The following ETV6 variants were observed in gnomAD, a reference collection of about 807,000 sequenced individuals.
ETV6 encodes the protein ETS variant transcription factor 6, also known as transcription factor ETV6.
ETV6 carries 16 observed loss-of-function variants against 51.1 expected under a neutral mutation model. The observed-to-expected ratio is 0.31, with a 90% CI of 0.21 to 0.48. ETV6 has a LOEUF of 0.48. Ranked by LOEUF, ETV6 falls within the 20% of genes least tolerant of loss-of-function variation. The pLI, the probability that ETV6 is intolerant of heterozygous loss-of-function variation, is 0.99. For synonymous variants in ETV6, 240 were observed against 224.1 expected, an observed-to-expected ratio of 1.07 and a Z score of -0.64; for missense variants, 458 against 594.8, an observed-to-expected ratio of 0.77 and a Z score of 2.39.
intron 2 of ETV6, among the ~76,000 whole-genome samples, chr12:11,774,979 T>C (rs1565521231): frequency 6.6e-6 from 1 of 152,186 alleles, no homozygotes; most frequent in African/African-American, 2.4e-5. Flanking sequence ...TGAATGTCTC[T>C]AATCAGGAAC....
In ETV6 at chr12:11,726,327, T is replaced by C. The variant is rs539500487; in HGVS notation, c.34-26123T>C. Reference sequence around the variant, plus strand: ...CCTCAGGAAACAGTACCAGATATCCTTGGATGTGGGGAAATGATCCACTCT... The same window carrying C: ...CCTCAGGAAACAGTACCAGATATCCCTGGATGTGGGGAAATGATCCACTCT... On this transcript the variant is annotated intron_variant, in intron 1 of 7. Coordinates refer to ENST00000396373, the MANE Select transcript of ETV6 (RefSeq NM_001987.5). 1.1e-4 allele frequency among the ~76,000 whole-genome samples: 16 copies of C among 152,326 alleles called. No homozygotes were observed. In the East Asian group the frequency reaches 3.1e-3, roughly 29 times the overall value.
At chr12:11,802,566 G>A (rs1033287069) in intron 2 of ETV6, among the ~76,000 whole-genome samples, 1 of 152,198 alleles carries the variant, frequency 6.6e-6, no homozygotes, top group East Asian at 1.9e-4. Flanking sequence ...TGTCAGACAT[G>A]GTTGACACTG....
chr12:11,709,127 T>G (rs1048822969), intron 1 of ETV6, among the ~76,000 whole-genome samples: 2 of 152,024 alleles, frequency 1.3e-5, no homozygotes, highest in South Asian at 4.1e-4. Flanking sequence ...CAAGAAGCTA[T>G]GTGAGTTACA....
chr12:11,672,229 C>T (rs1864331750), intron 1 of ETV6, among the ~76,000 whole-genome samples: 1 of 152,042 alleles, frequency 6.6e-6, no homozygotes, highest in Non-Finnish European at 1.5e-5. Context: ...AAGGAACCAA[C>T]TCCCAACCCA....
intron 1 of ETV6, among the ~76,000 whole-genome samples, chr12:11,739,603 G>A (rs554316118): frequency 7.2e-5 from 11 of 152,050 alleles, no homozygotes; most frequent in Middle Eastern, 3.4e-3. Flanking sequence ...ATTTAGTGTC[G>A]GATTTGAAAT....
intron 1 of ETV6, among the ~76,000 whole-genome samples, chr12:11,706,133 C>CT (rs1384962883): frequency 6.6e-6 from 1 of 152,232 alleles, no homozygotes; most frequent in African/African-American, 2.4e-5. Flanking sequence ...AGCCTTGCAT[C>CT]TGAGTTCTTG....
intron 1 of ETV6, among the ~76,000 whole-genome samples, chr12:11,660,392 G>T (rs145317332): frequency 0.093 from 14,154 of 151,934 alleles, 2,209 homozygotes; most frequent in African/African-American, 0.32. Context: ...ATCACCTGAG[G>T]TCAGGAGTTC....
At chr12:11,742,808 T>TC (rs1474121502) in intron 1 of ETV6, among the ~76,000 whole-genome samples, 44 of 146,078 alleles carry the variant, frequency 3.0e-4, no homozygotes, top group African/African-American at 1.0e-3. Context: ...TTTCTTTCTT[T>TC]TTTTTTTTTT....
chr12:11,688,286 C>G (rs1864675928), intron 1 of ETV6, among the ~76,000 whole-genome samples: 1 of 152,152 alleles, frequency 6.6e-6, no homozygotes, highest in South Asian at 2.1e-4. Context: ...GGGCCTTTAG[C>G]CCCCGTTAAA....
At chr12:11,675,679 T>A (rs1433468996) in intron 1 of ETV6, among the ~76,000 whole-genome samples, 1 of 152,142 alleles carries the variant, frequency 6.6e-6, no homozygotes, top group East Asian at 1.9e-4. Flanking sequence ...CTGGATGTGG[T>A]AATGTGTGCC....
intron 5 of ETV6, among the ~76,000 whole-genome samples, chr12:11,875,450 G>A (rs1946968419): frequency 6.6e-6 from 1 of 152,210 alleles, no homozygotes; most frequent in African/African-American, 2.4e-5. Context: ...GAAAGCATCT[G>A]TCAATCTTCT....
chr12:11,713,783 T>C (rs1185651522), intron 1 of ETV6, among the ~76,000 whole-genome samples: 1 of 152,254 alleles, frequency 6.6e-6, no homozygotes. Flanking sequence ...TAACCTTGGA[T>C]GTTCATTAGA....
At chr12:11,815,990 T>C (rs1945987636) in intron 2 of ETV6, among the ~76,000 whole-genome samples, 2 of 152,198 alleles carry the variant, frequency 1.3e-5, no homozygotes, top group South Asian at 4.1e-4. Context: ...ATGCTGAAAG[T>C]GACCCGTAAG....
Position 11,869,432 on chromosome 12 carries a change from G to T in ETV6, c.472G>T (p.Val158Phe). ...LHQNHEEDNC[V>F]QRTPRPSVDN... ...TTCCCTCTGCTCCACAGATAACTGT[G>T]TCCAGAGGACCCCCAGGCCATCCGT... The change falls in exon 5 of 8, where the codon GTC becomes TTC. Residue 158 changes from valine (V) to phenylalanine (F), a missense_variant. Coordinates refer to ENST00000396373, the MANE Select transcript of ETV6 (RefSeq NM_001987.5). This position sits in a 1 kb window ranked among gnomAD's most constrained non-coding sequence, Gnocchi z 5.0. The T allele has an allele frequency of 6.2e-7, 1 of 1,607,994 alleles. No individual in the cohort carries two copies. Among genetic ancestry groups the T allele is most frequent in the African/African-American group, 1.3e-5 (1 of 74,934 alleles).
At chr12:11,823,286 C>T (rs1946107787) in intron 2 of ETV6, among the ~76,000 whole-genome samples, 2 of 152,082 alleles carry the variant, frequency 1.3e-5, no homozygotes, top group South Asian at 2.1e-4. Flanking sequence ...GGGAGGTCTC[C>T]ACCACGATCT....
intron 2 of ETV6, among the ~76,000 whole-genome samples, chr12:11,781,668 G>A (rs1945415848): frequency 6.6e-6 from 1 of 152,118 alleles, no homozygotes; most frequent in Admixed American, 6.5e-5. Flanking sequence ...TTTTTACTTG[G>A]ACTATAGCCA....
At chr12:11,839,345 T>C in intron 3 of ETV6, 41 bp downstream of exon 3, 2 of 1,580,108 alleles carry the variant, frequency 1.3e-6, no homozygotes, top group Non-Finnish European at 1.7e-6. Flanking sequence ...ACTTGGAAAG[T>C]CTCTTAGTTA....
At chr12:11,706,792 G>A (rs1001044157) in intron 1 of ETV6, among the ~76,000 whole-genome samples, 6 of 152,206 alleles carry the variant, frequency 3.9e-5, no homozygotes, top group African/African-American at 1.4e-4. Context: ...CAGATGGGGC[G>A]TACAATTTAC....
intron 2 of ETV6, among the ~76,000 whole-genome samples, chr12:11,825,946 A>G (rs2136443753): frequency 6.7e-6 from 1 of 148,554 alleles, no homozygotes; most frequent in Middle Eastern, 3.5e-3. Flanking sequence ...CAATTCTCCC[A>G]CCTCAACCTT....
Sources: gnomAD v4.1 joint callset for allele counts (sites outside exome capture counted in the v4.1 genomes callset) on GRCh38, gnomAD v4.1.1 for gene constraint, Gnocchi (gnomAD v3.1) non-coding constraint, MANE v1.5 for transcripts, NCBI Gene and HGNC (gene_info 2026-07-23, HGNC 2026-07-21) for gene names.